Variants in DGKH observed in about 807,000 individuals in gnomAD.
DGKH encodes diacylglycerol kinase eta.
In DGKH, 90 loss-of-function variants were observed where a neutral mutation model predicts 159.3. The ratio of observed to expected loss-of-function variants is 0.57; its 90% confidence interval spans 0.48 to 0.67. DGKH has a LOEUF of 0.67. Ranked by LOEUF, DGKH falls within the 30% of genes least tolerant of loss-of-function variation. The probability of loss-of-function intolerance (pLI) is 0.00; values close to 1 mark genes in which losing one functional copy is unlikely to be tolerated. For missense variants in DGKH, 1,181 were observed against 1,506.1 expected (o/e 0.78, Z 3.57); for synonymous variants, 536 against 553.8 (o/e 0.97, Z 0.45).
chr13:42,165,045 T>G (rs910486004), intron 7 of DGKH, among the ~76,000 whole-genome samples: 1 of 152,154 alleles, frequency 6.6e-6, no homozygotes, highest in Non-Finnish European at 1.5e-5. Flanking sequence ...TCCTCTGCAC[T>G]TGGTCTCTTC....
rs1566134825 is a variant in DGKH at position 42,151,604 on chromosome 13, CA to C, written c.385-3686del. ...ACACACACACACACACACACACACACACACACACACCCCATGGAAAACTACT... is the reference window on the plus strand; with the variant it reads ...ACACACACACACACACACACACACACCACACACACCCCATGGAAAACTACT... On this transcript the variant is annotated intron_variant, in intron 3 of 29. Coordinates refer to ENST00000337343, the MANE Select transcript of DGKH (RefSeq NM_178009.5). 4.9e-4 allele frequency among the ~76,000 whole-genome samples: 64 copies of C among 130,618 alleles called. 1 individual carries two copies. Among genetic ancestry groups the C allele is most frequent in the African/African-American group, 9.8e-4 (37 of 37,702 alleles). 85.7% of individuals were successfully genotyped at this position (130,618 alleles called of 152,430 possible).
chr13:42,210,695 A>G lies in DGKH; in HGVS notation c.2944A>G (p.Ile982Val). ...AACCCATTTGTACATCCATCACGCC[A>G]TTGACTTGGCAACAGAAGAGGTGTC... is the stretch of plus-strand genomic sequence containing the variant. Reference protein sequence around the residue: ...LRTHLYIHHAIDLATEEVSQM... With the variant: ...LRTHLYIHHAVDLATEEVSQM... Residue 982 changes from isoleucine to valine, a missense_variant, in exon 24 of 30, where the codon ATT (isoleucine) becomes GTT (valine). This residue lies in a region of DGKH where 335 missense variants were observed against 495.2 expected (regional missense o/e 0.68). Transcript: ENST00000337343. 3.1e-6 allele frequency: 5 copies of G among 1,612,238 alleles called. No homozygotes were observed. Among genetic ancestry groups the G allele is most frequent in the Non-Finnish European group, 4.2e-6 (5 of 1,179,946 alleles).
chr13:42,062,883 A>T (rs1200348955), intron 1 of DGKH, among the ~76,000 whole-genome samples: 1 of 151,896 alleles, frequency 6.6e-6, no homozygotes, highest in Non-Finnish European at 1.5e-5. Flanking sequence ...ATCTCAGGTT[A>T]TCTGCGTTTT....
intron 1 of DGKH, among the ~76,000 whole-genome samples, chr13:42,115,375 A>G (rs555880142): frequency 7.2e-5 from 11 of 152,338 alleles, no homozygotes; most frequent in Admixed American, 6.5e-5. Context: ...AATGAGGTAC[A>G]GTTTTTGTCA....
chr13:42,074,399 C>T (rs952963773), intron 1 of DGKH, among the ~76,000 whole-genome samples: 1 of 152,096 alleles, frequency 6.6e-6, no homozygotes. Context: ...GTATCTCATT[C>T]CAAATTGGTT....
In DGKH at chr13:42,229,223, T is replaced by C. The variant is rs779517124; in HGVS notation, c.*35T>C. ...TGCTATTTCTTGGAAGAGAAGTTATTGCCACTTAATACAAAGTCCTTGGAA... is the reference window on the plus strand; with the variant it reads ...TGCTATTTCTTGGAAGAGAAGTTATCGCCACTTAATACAAAGTCCTTGGAA... On this transcript the variant is annotated 3_prime_UTR_variant, in exon 30 of 30. Transcript: ENST00000337343. The C allele has an allele frequency of 1.3e-4, 207 of 1,575,608 alleles. No homozygotes were observed. Among genetic ancestry groups the C allele is most frequent in the Middle Eastern group, 1.0e-3 (6 of 5,974 alleles).
intron 16 of DGKH, among the ~76,000 whole-genome samples, chr13:42,192,560 TTCCTCC>T (rs989983956): frequency 6.8e-6 from 1 of 147,716 alleles, no homozygotes; most frequent in East Asian, 2.0e-4. Flanking sequence ...TCCTCCTCCC[TTCCTCC>T]TCCTCCTCCT....
intron 29 of DGKH, among the ~76,000 whole-genome samples, chr13:42,221,977 T>G (rs1957985132): frequency 6.6e-6 from 1 of 152,218 alleles, no homozygotes; most frequent in African/African-American, 2.4e-5. Flanking sequence ...AAAAAGAATT[T>G]TTTTTCTTTA....
intron 1 of DGKH, among the ~76,000 whole-genome samples, chr13:42,089,827 TGGGG>T: frequency 6.6e-6 from 1 of 152,182 alleles, no homozygotes; most frequent in African/African-American, 2.4e-5. Flanking sequence ...GCCCAGGTTC[TGGGG>T]ATTAGGACAT....
chr13:42,119,657 A>G (rs1955029807), intron 1 of DGKH, among the ~76,000 whole-genome samples: 1 of 152,216 alleles, frequency 6.6e-6, no homozygotes, highest in South Asian at 2.1e-4. Context: ...TTTTTAAAAA[A>G]ATTATTTACA....
At chr13:42,192,612 T>TTCC (rs369587134) in intron 16 of DGKH, among the ~76,000 whole-genome samples, 17,874 of 149,180 alleles carry the variant, frequency 0.12, 1,511 homozygotes, top group East Asian at 0.4. Flanking sequence ...CTTCTTCTTC[T>TTCC]TCTTTTCTTT....
At chr13:42,109,682 G>T (rs938947806) in intron 1 of DGKH, among the ~76,000 whole-genome samples, 8 of 151,898 alleles carry the variant, frequency 5.3e-5, no homozygotes, top group Non-Finnish European at 1.0e-4. Context: ...GTGTGTGTGT[G>T]TGTGTGTGTC....
chr13:42,079,052 C>G (rs1170626998), intron 1 of DGKH, among the ~76,000 whole-genome samples: 1 of 150,612 alleles, frequency 6.6e-6, no homozygotes, highest in Non-Finnish European at 1.5e-5. Context: ...CTGGGATTTA[C>G]AGGCACCCAC....
intron 7 of DGKH, among the ~76,000 whole-genome samples, chr13:42,161,156 A>G (rs1412605533): frequency 2.0e-5 from 3 of 152,186 alleles, no homozygotes; most frequent in Admixed American, 6.5e-5. Flanking sequence ...CCTAGCCCCT[A>G]AAACCTTGTC....
intron 1 of DGKH, among the ~76,000 whole-genome samples, chr13:42,100,543 A>G (rs1954634040): frequency 6.6e-6 from 1 of 152,136 alleles, no homozygotes; most frequent in Non-Finnish European, 1.5e-5. Flanking sequence ...CCACCAGCGC[A>G]TTAACTGGTG....
At chr13:42,085,177 AC>A (rs1465985647) in intron 1 of DGKH, among the ~76,000 whole-genome samples, 4 of 152,158 alleles carry the variant, frequency 2.6e-5, no homozygotes, top group Admixed American at 2.6e-4. Flanking sequence ...GCTGGGGGAT[AC>A]TGACCAATGC....
intron 26 of DGKH, among the ~76,000 whole-genome samples, chr13:42,216,435 A>AT (rs1389386259): frequency 6.6e-6 from 1 of 152,172 alleles, no homozygotes; most frequent in African/African-American, 2.4e-5. Flanking sequence ...ATCTTAAAAC[A>AT]TTTCTTTTGA....
At chr13:42,099,062 C>CT (rs1954603234) in intron 1 of DGKH, among the ~76,000 whole-genome samples, 1 of 152,182 alleles carries the variant, frequency 6.6e-6, no homozygotes. Context: ...TTCATCCCTG[C>CT]TTGTGTAGCC....
At chr13:42,087,595 T>G (rs1405698867) in intron 1 of DGKH, among the ~76,000 whole-genome samples, 1 of 152,198 alleles carries the variant, frequency 6.6e-6, no homozygotes, top group Non-Finnish European at 1.5e-5. Flanking sequence ...AGGACTCAGA[T>G]TCAACTTCTA....
Sources: allele counts gnomAD v4.1 joint callset (sites outside exome capture counted in the v4.1 genomes callset), GRCh38; gene constraint gnomAD v4.1.1; regional missense constraint gnomAD v4.1.1; transcripts MANE v1.5; gene names NCBI Gene and HGNC (gene_info 2026-07-23, HGNC 2026-07-21).